NKAIN2: variants seen among roughly 807,000 people sequenced by gnomAD.
NKAIN2 encodes the protein sodium/potassium transporting ATPase interacting 2.
A neutral mutation model predicts 32.6 loss-of-function variants in NKAIN2; 14 were observed. The observed-to-expected ratio is 0.43, with a 90% CI of 0.28 to 0.67. NKAIN2 has a LOEUF of 0.67. Among genes scored for constraint, NKAIN2 ranks in the 30% least tolerant of loss-of-function variants. The pLI is 0.17. For synonymous variants in NKAIN2, 80 were observed against 87.2 expected (o/e 0.92, Z 0.46); for missense variants, 198 against 258.3 (o/e 0.77, Z 1.60).
rs1383140481 is a variant in NKAIN2, at chr6:124,175,156, CACTTT to C, written c.55-107844_55-107840del. Among the ~76,000 whole-genome samples, 3 of 152,164 alleles carry C rather than the reference CACTTT, an allele frequency of 2.0e-5. 1 individual carries two copies. The East Asian group carries it at 5.8e-4, about 29-fold the overall frequency. On this transcript the variant is annotated intron_variant, in intron 1 of 6. Transcript: ENST00000368417. ...TTATTAATACTATTGATTTTCTTTG[CACTTT>C]ACTTCTGTTAAGAAGCAGGAATCAT...
At chr6:124,163,198 C>G (rs1346398748) in intron 1 of NKAIN2, among the ~76,000 whole-genome samples, 1 of 151,724 alleles carries the variant, frequency 6.6e-6, no homozygotes. Context: ...AAAGGAAAAA[C>G]AGACAGGTGA....
At chr6:123,903,964 A>G (rs973221319) in intron 1 of NKAIN2, among the ~76,000 whole-genome samples, 1 of 150,978 alleles carries the variant, frequency 6.6e-6, no homozygotes, top group African/African-American at 2.4e-5. Flanking sequence ...GTGGTGGCTC[A>G]CGCCTGTAAT....
intron 3 of NKAIN2, among the ~76,000 whole-genome samples, chr6:124,637,593 C>T (rs1337218817): frequency 6.6e-6 from 1 of 151,592 alleles, no homozygotes; most frequent in Non-Finnish European, 1.5e-5. Context: ...AATCAACATA[C>T]AAAAATTAGT....
chr6:124,034,368 G>C (rs891795854), intron 1 of NKAIN2, among the ~76,000 whole-genome samples: 6 of 152,062 alleles, frequency 3.9e-5, no homozygotes, highest in African/African-American at 1.4e-4. Flanking sequence ...GAGAACATGT[G>C]GTATTTGATT....
At chr6:124,708,294 C>A (rs1341889478) in intron 4 of NKAIN2, among the ~76,000 whole-genome samples, 1 of 151,402 alleles carries the variant, frequency 6.6e-6, no homozygotes, top group African/African-American at 2.4e-5. Context: ...CAGCTTTGTT[C>A]TTTTGGCTTA....
chr6:124,680,940 A>G (rs1317617021), intron 4 of NKAIN2, among the ~76,000 whole-genome samples: 1 of 152,030 alleles, frequency 6.6e-6, no homozygotes. Context: ...TTCTTAATAT[A>G]TAAATAAAAA....
intron 1 of NKAIN2, among the ~76,000 whole-genome samples, chr6:124,167,512 C>T (rs957467322): frequency 6.6e-6 from 1 of 152,138 alleles, no homozygotes; most frequent in Non-Finnish European, 1.5e-5. Flanking sequence ...CCCTTTATTT[C>T]CTTCTCCTGC....
chr6:124,160,377 G>C (rs962855376), intron 1 of NKAIN2, among the ~76,000 whole-genome samples: 3 of 152,062 alleles, frequency 2.0e-5, no homozygotes, highest in Non-Finnish European at 2.9e-5. Flanking sequence ...AATTCTATCA[G>C]TAAAAACGTA....
chr6:124,446,902 T>C (rs900153252), intron 3 of NKAIN2, among the ~76,000 whole-genome samples: 5 of 152,122 alleles, frequency 3.3e-5, no homozygotes, highest in Admixed American at 3.3e-4. Context: ...ATTATGATGA[T>C]GGTGGTGGGA....
At chr6:124,048,861 G>A (rs1417513302) in intron 1 of NKAIN2, among the ~76,000 whole-genome samples, 1 of 151,978 alleles carries the variant, frequency 6.6e-6, no homozygotes, top group South Asian at 2.1e-4. Flanking sequence ...TGGCTCAGTC[G>A]TATTAGGTCT....
At chr6:124,779,434 G>A (rs912127615) in intron 4 of NKAIN2, among the ~76,000 whole-genome samples, 2 of 152,004 alleles carry the variant, frequency 1.3e-5, no homozygotes, top group Admixed American at 1.3e-4. Context: ...TTATTTAAAT[G>A]AGTTGGTTCA....
intron 1 of NKAIN2, among the ~76,000 whole-genome samples, chr6:123,879,717 GAAAT>G (rs1773361716): frequency 6.6e-6 from 1 of 152,190 alleles, no homozygotes; most frequent in Admixed American, 6.5e-5. Context: ...GCCTTAAAGA[GAAAT>G]AAAGGGGAGC....
At chr6:124,114,698 A>G (rs1785530175) in intron 1 of NKAIN2, among the ~76,000 whole-genome samples, 1 of 152,130 alleles carries the variant, frequency 6.6e-6, no homozygotes, top group South Asian at 2.1e-4. Flanking sequence ...AGGACAGAAG[A>G]AACGAGAGAA....
intron 4 of NKAIN2, among the ~76,000 whole-genome samples, chr6:124,695,943 C>A (rs1774476568): frequency 6.6e-6 from 1 of 152,162 alleles, no homozygotes; most frequent in African/African-American, 2.4e-5. Flanking sequence ...CCCAAAGATG[C>A]AGGGGAAACT....
chr6:124,087,909 A>G (rs1378053788), intron 1 of NKAIN2, among the ~76,000 whole-genome samples: 2 of 152,026 alleles, frequency 1.3e-5, no homozygotes, highest in Admixed American at 6.6e-5. Flanking sequence ...ATTTTATTAT[A>G]GTGGAATATA....
chr6:124,360,240 G>A (rs897513810), intron 3 of NKAIN2, among the ~76,000 whole-genome samples: 2 of 150,288 alleles, frequency 1.3e-5, no homozygotes, highest in South Asian at 2.1e-4. Flanking sequence ...TCTCTTTTTT[G>A]GTTGTGTCTC....
chr6:123,838,880 T>G lies in NKAIN2; in HGVS notation c.54+34626T>G, dbSNP rs138195886. Among the ~76,000 whole-genome samples, 3 of 152,288 alleles carry G rather than the reference T, an allele frequency of 2.0e-5. No homozygotes were observed. In the East Asian group the frequency reaches 5.8e-4, roughly 29 times the overall value. ...TACCTCCTAAGGTTAGATTAGAAAATCTATTCTTTCTCCCTTTGCCCACTT... is the reference window on the plus strand; with the variant it reads ...TACCTCCTAAGGTTAGATTAGAAAAGCTATTCTTTCTCCCTTTGCCCACTT... On this transcript the variant is annotated intron_variant, in intron 1 of 6. Transcript: ENST00000368417.
chr6:124,452,988 A>T (rs1402964250), intron 3 of NKAIN2, among the ~76,000 whole-genome samples: 1 of 152,066 alleles, frequency 6.6e-6, no homozygotes, highest in Non-Finnish European at 1.5e-5. Flanking sequence ...TATAAAGCAC[A>T]TAGTTTATCA....
rs140311243 is a variant in NKAIN2 at position 124,397,748 on chromosome 6, C to T, written c.273+42401C>T. 3.1e-3 allele frequency among the ~76,000 whole-genome samples: 467 copies of T among 152,166 alleles called. 2 individuals carry two copies. Among genetic ancestry groups the T allele is most frequent in the South Asian group, 7.1e-3 (34 of 4,814 alleles). ...TCAGGTAGTCAGGTGTTATTATCTCCGTTTCAAACCAGAAAACCTGGCTCA... is the reference window on the plus strand; with the variant it reads ...TCAGGTAGTCAGGTGTTATTATCTCTGTTTCAAACCAGAAAACCTGGCTCA... On this transcript the variant is annotated intron_variant, in intron 3 of 6. Coordinates refer to ENST00000368417, the MANE Select transcript of NKAIN2 (RefSeq NM_001040214.3).
Sources: gnomAD v4.1 joint callset for allele counts (sites outside exome capture counted in the v4.1 genomes callset) on GRCh38, gnomAD v4.1.1 for gene constraint, MANE v1.5 for transcripts, NCBI Gene and HGNC (gene_info 2026-07-23, HGNC 2026-07-21) for gene names.